Variants in LUZP2 observed in about 807,000 individuals in gnomAD.
The protein encoded by LUZP2 is leucine zipper protein 2.
Under a neutral mutation model 51.6 loss-of-function variants are expected in LUZP2, and 52 were observed. The observed-to-expected ratio is 1.01, with a 90% confidence interval of 0.81 to 1.27. LUZP2 has a LOEUF of 1.27. Ranked by LOEUF, LUZP2 falls within the 50% of genes most tolerant of loss-of-function variation. The pLI is 0.00. For synonymous variants in LUZP2, 154 were observed against 137.3 expected (o/e 1.12, Z -0.85); for missense variants, 436 against 395.4 (o/e 1.10, Z -0.87).
Position 24,914,524 on chromosome 11 carries a change from G to C in LUZP2, c.508G>C (p.Asp170His). Residue 170 changes from aspartate to histidine, a missense_variant, in exon 7 of 12, where the codon GAT becomes CAT. Transcript: ENST00000336930. Reference sequence around the variant, plus strand: ...GAAGGAGCTTCGTTATGGGAAGAAGGATTTATTATTTAAGGTGAGTCTCTT... The same window carrying C: ...GAAGGAGCTTCGTTATGGGAAGAAGCATTTATTATTTAAGGTGAGTCTCTT... ...QLKELRYGKK[D>H]LLFKAQQLTD... The C allele has an allele frequency of 6.2e-7, 1 of 1,607,760 alleles. No homozygotes were observed. Among genetic ancestry groups the C allele is most frequent in the East Asian group, 2.2e-5 (1 of 44,484 alleles).
chr11:25,000,032 T>C (rs1025747054), intron 9 of LUZP2, among the ~76,000 whole-genome samples: 17 of 152,188 alleles, frequency 1.1e-4, no homozygotes, highest in Admixed American at 1.1e-3. Flanking sequence ...TGGTCCATTT[T>C]ACAGAGCACT....
intron 1 of LUZP2, among the ~76,000 whole-genome samples, chr11:24,689,038 T>TTC (rs1856983140): frequency 5.3e-5 from 8 of 152,074 alleles, no homozygotes; most frequent in African/African-American, 1.9e-4. Context: ...CCAAGGGGTA[T>TTC]AAGGCAGAGG....
intron 7 of LUZP2, among the ~76,000 whole-genome samples, chr11:24,934,063 A>T (rs1854528940): frequency 6.6e-6 from 1 of 152,228 alleles, no homozygotes; most frequent in Non-Finnish European, 1.5e-5. Context: ...AAAGTACATT[A>T]TCGCAAGGGC....
At chr11:24,825,452 A>C (rs562738184) in intron 5 of LUZP2, among the ~76,000 whole-genome samples, 1 of 152,116 alleles carries the variant, frequency 6.6e-6, no homozygotes, top group Non-Finnish European at 1.5e-5. Context: ...GGTCTCTCAG[A>C]AAACTGCATT....
intron 1 of LUZP2, among the ~76,000 whole-genome samples, chr11:24,705,342 A>T (rs1027454328): frequency 4.0e-5 from 6 of 151,512 alleles, no homozygotes; most frequent in Non-Finnish European, 8.8e-5. Context: ...TTTGACTTTA[A>T]TTTTTTCTCT....
intron 1 of LUZP2, among the ~76,000 whole-genome samples, chr11:24,682,212 A>G (rs1225897768): frequency 6.6e-6 from 1 of 152,092 alleles, no homozygotes; most frequent in Non-Finnish European, 1.5e-5. Flanking sequence ...GAGTAGAGCA[A>G]GGCTGGGTGC....
rs569117385 is a variant in LUZP2, at chr11:24,719,596, A to C, written c.63-9573A>C. On this transcript the variant is annotated intron_variant, in intron 1 of 11. Coordinates refer to ENST00000336930, the MANE Select transcript of LUZP2 (RefSeq NM_001009909.4). The stretch of plus-strand genomic sequence containing the variant: ...CACAGCATTTGGCACTATGTAGTAC[A>C]TTGTTTGCAAATATGCCCGTAACTA... Among the ~76,000 whole-genome samples the C allele has an allele frequency of 1.1e-4, 16 of 152,350 alleles. No homozygotes were observed. The South Asian group carries it at 3.3e-3, about 32-fold the overall frequency.
intron 10 of LUZP2, among the ~76,000 whole-genome samples, chr11:25,053,446 A>G (rs1344967612): frequency 1.3e-5 from 2 of 152,194 alleles, no homozygotes; most frequent in African/African-American, 4.8e-5. Flanking sequence ...ATTCACCCAT[A>G]TAAGTGTATG....
intron 1 of LUZP2, among the ~76,000 whole-genome samples, chr11:24,656,621 G>A (rs1232199026): frequency 6.6e-6 from 1 of 152,134 alleles, no homozygotes; most frequent in Non-Finnish European, 1.5e-5. Flanking sequence ...TCAGGGTTTA[G>A]GTATATTTAA....
chr11:24,686,479 C>G (rs1467011367), intron 1 of LUZP2, among the ~76,000 whole-genome samples: 2 of 152,192 alleles, frequency 1.3e-5, no homozygotes, highest in Non-Finnish European at 2.9e-5. Flanking sequence ...CCCATTCGTA[C>G]AGTTAAACAT....
At chr11:24,776,448 C>T (rs148282402) in intron 5 of LUZP2, among the ~76,000 whole-genome samples, 5 of 152,050 alleles carry the variant, frequency 3.3e-5, no homozygotes, top group Admixed American at 6.6e-5. Context: ...CACAGATTTC[C>T]CACAGGAAAG....
chr11:24,545,532 G>A (rs1851511191), intron 1 of LUZP2, among the ~76,000 whole-genome samples: 1 of 149,206 alleles, frequency 6.7e-6, no homozygotes, highest in South Asian at 2.1e-4. Flanking sequence ...TTGCTGAATG[G>A]GGAGTCCTTT....
intron 1 of LUZP2, among the ~76,000 whole-genome samples, chr11:24,549,421 G>A (rs535020640): frequency 6.6e-6 from 1 of 152,086 alleles, no homozygotes; most frequent in South Asian, 2.1e-4. Context: ...GCCTGAGGTC[G>A]TTTTACTCTT....
chr11:24,885,505 A>G (rs969680632), intron 5 of LUZP2, among the ~76,000 whole-genome samples: 1 of 152,140 alleles, frequency 6.6e-6, no homozygotes, highest in Non-Finnish European at 1.5e-5. Flanking sequence ...GTCCTGATCC[A>G]AGAAGCCAGC....
rs181474704 is a variant in LUZP2 at position 24,542,333 on chromosome 11, C to T, written c.62+45028C>T. ...GCCCAGTGTACATGAGAGAATAGAACATGTATGACAGTCACTGCTGGATTT... is the reference window on the plus strand; with the variant it reads ...GCCCAGTGTACATGAGAGAATAGAATATGTATGACAGTCACTGCTGGATTT... On this transcript the variant is annotated intron_variant, in intron 1 of 11. Coordinates refer to ENST00000336930, the MANE Select transcript of LUZP2 (RefSeq NM_001009909.4). 4.6e-5 allele frequency among the ~76,000 whole-genome samples: 7 copies of T among 152,110 alleles called. No homozygotes were observed. The East Asian group carries it at 9.7e-4, about 21-fold the overall frequency.
At chr11:25,016,594 G>GTA (rs1290145708) in intron 9 of LUZP2, among the ~76,000 whole-genome samples, 3 of 150,752 alleles carry the variant, frequency 2.0e-5, no homozygotes, top group Non-Finnish European at 3.0e-5. Context: ...TGCAGTATGT[G>GTA]TATATATATA....
intron 1 of LUZP2, among the ~76,000 whole-genome samples, chr11:24,595,763 T>C (rs1853423737): frequency 6.6e-6 from 1 of 152,180 alleles, no homozygotes; most frequent in Admixed American, 6.5e-5. Context: ...GCCTATTCAA[T>C]GAAGAGATGG....
intron 1 of LUZP2, among the ~76,000 whole-genome samples, chr11:24,619,639 C>A (rs1191768677): frequency 6.6e-5 from 10 of 152,088 alleles, no homozygotes; most frequent in African/African-American, 1.9e-4. Flanking sequence ...GGTTCCAGTA[C>A]CTTCCACAGA....
chr11:25,009,707 TG>T, intron 9 of LUZP2, among the ~76,000 whole-genome samples: 1 of 152,336 alleles, frequency 6.6e-6, no homozygotes, highest in African/African-American at 2.4e-5. Flanking sequence ...AAAGGCATTG[TG>T]ATTTTAACAC....
Sources: gnomAD v4.1 joint callset for allele counts (sites outside exome capture counted in the v4.1 genomes callset) on GRCh38, gnomAD v4.1.1 for gene constraint, MANE v1.5 for transcripts, NCBI Gene and HGNC (gene_info 2026-07-23, HGNC 2026-07-21) for gene names.